Variants in CSMD2 observed in about 807,000 individuals in gnomAD.
The protein encoded by CSMD2 is CUB and sushi domain-containing protein 2.
Under a neutral mutation model 398.5 loss-of-function variants are expected in CSMD2, and 130 were observed. The ratio of observed to expected loss-of-function variants is 0.33; its 90% CI spans 0.28 to 0.38. CSMD2 has a LOEUF of 0.38. CSMD2 is among the 10% of genes least tolerant of loss of function. The probability of loss-of-function intolerance (pLI) is 1.00; values close to 1 mark genes in which losing one functional copy is unlikely to be tolerated. For missense variants in CSMD2, 3,829 were observed against 4,764.9 expected (o/e 0.80, Z 5.78); for synonymous variants, 1,828 against 1,908.5 (o/e 0.96, Z 1.10).
At chr1:33,793,895 T>G (rs1176928799) in intron 10 of CSMD2, among the ~76,000 whole-genome samples, 1 of 152,110 alleles carries the variant, frequency 6.6e-6, no homozygotes, top group Non-Finnish European at 1.5e-5. Context: ...GTGCCATTCA[T>G]AAGGACAGGA....
intron 62 of CSMD2, 93 bp downstream of exon 62, chr1:33,536,929 G>T: frequency 2.5e-6 from 3 of 1,213,736 alleles, no homozygotes; most frequent in Non-Finnish European, 3.7e-6. Context: ...CTCCCTGAGT[G>T]CTGTCCTGAG....
intron 3 of CSMD2, among the ~76,000 whole-genome samples, chr1:33,956,603 G>A (rs116486703): frequency 0.011 from 1,731 of 152,098 alleles, 32 homozygotes; most frequent in African/African-American, 0.038. Context: ...AAAATCTTAG[G>A]AATATTCCAG....
intron 56 of CSMD2, among the ~76,000 whole-genome samples, chr1:33,549,897 T>C (rs1422272912): frequency 6.6e-6 from 1 of 152,212 alleles, no homozygotes; most frequent in Non-Finnish European, 1.5e-5. Context: ...GACAGGACTC[T>C]GGCCATAGGT....
chr1:34,032,263 G>A lies in CSMD2; in HGVS notation c.517+331C>T, dbSNP rs1650549263. ...TGTCTTTTATTTTCAAAAACAACCT[G>A]AGGTACCTTATACAATGAAGCCCAA... On this transcript the variant is annotated intron_variant, in intron 3 of 70. Coordinates refer to ENST00000373381, the MANE Select transcript of CSMD2 (RefSeq NM_001281956.2). Among the ~76,000 whole-genome samples, 3 of 151,990 alleles carry A rather than the reference G, an allele frequency of 2.0e-5. No homozygotes were observed. In the South Asian group the frequency reaches 6.2e-4, roughly 32 times the overall value.
intron 3 of CSMD2, among the ~76,000 whole-genome samples, chr1:33,983,420 A>T (rs1344269608): frequency 6.6e-6 from 1 of 152,164 alleles, no homozygotes; most frequent in African/African-American, 2.4e-5. Flanking sequence ...AGAAGGGAGG[A>T]AAGAACTGAC....
chr1:33,643,845 G>C (rs1436664984), intron 29 of CSMD2, among the ~76,000 whole-genome samples: 1 of 151,902 alleles, frequency 6.6e-6, no homozygotes, highest in Non-Finnish European at 1.5e-5. Flanking sequence ...GGCCCAGGGA[G>C]ATAGTAGAGG....
At position 33,537,643 on chromosome 1, in the gene CSMD2, T is replaced by A; in HGVS notation, c.9632-34A>T. On this transcript the variant is annotated intron_variant, in intron 60 of 70. Transcript: ENST00000373381. The surrounding 1 kb of genome is among the most constrained non-coding windows in gnomAD (Gnocchi z 4.6). ...ACGAAGGGAGAAAGGCAGGTCTAAGTTGCTTTCCAGAACCCAATCTTCCAG... is the reference window on the plus strand; with the variant it reads ...ACGAAGGGAGAAAGGCAGGTCTAAGATGCTTTCCAGAACCCAATCTTCCAG... 1 of 1,581,930 alleles carries A rather than the reference T, an allele frequency of 6.3e-7. No homozygotes were observed. Among genetic ancestry groups the A allele is most frequent in the South Asian group, 1.2e-5 (1 of 85,772 alleles).
intron 2 of CSMD2, among the ~76,000 whole-genome samples, chr1:34,062,858 G>A (rs535496339): frequency 1.3e-4 from 20 of 152,242 alleles, no homozygotes; most frequent in Non-Finnish European, 1.9e-4. Context: ...GTATTAGTCC[G>A]TTTTCACACT....
chr1:34,030,370 G>T (rs1469198826), intron 3 of CSMD2, among the ~76,000 whole-genome samples: 2 of 152,164 alleles, frequency 1.3e-5, no homozygotes, highest in Non-Finnish European at 2.9e-5. Context: ...CTCTGCAGTT[G>T]TAGTGCATGA....
chr1:34,074,510 G>C (rs1009947360), intron 2 of CSMD2, among the ~76,000 whole-genome samples: 4 of 151,984 alleles, frequency 2.6e-5, no homozygotes, highest in Non-Finnish European at 5.9e-5. Flanking sequence ...CTATTTCTTG[G>C]CTCGAAACAC....
At chr1:33,877,444 C>T (rs1046275566) in intron 5 of CSMD2, among the ~76,000 whole-genome samples, 3 of 152,310 alleles carry the variant, frequency 2.0e-5, no homozygotes, top group South Asian at 2.1e-4. Flanking sequence ...TGGCTTGATG[C>T]AATCCCAGAT....
chr1:33,976,269 C>A (rs1354949906), intron 3 of CSMD2, among the ~76,000 whole-genome samples: 1 of 152,172 alleles, frequency 6.6e-6, no homozygotes, highest in Non-Finnish European at 1.5e-5. Context: ...TCAGGGGCAG[C>A]AGATGATTGA....
chr1:34,140,909 C>G lies in CSMD2; in HGVS notation c.187+24002G>C, dbSNP rs558868534. On this transcript the variant is annotated intron_variant, in intron 1 of 70. Coordinates refer to ENST00000373381, the MANE Select transcript of CSMD2 (RefSeq NM_001281956.2). ...CTCATAATCACTTCCCACTGAACAG[C>G]CTTTCCCCTCCTCTACAACCTGTCC... 3.3e-5 allele frequency among the ~76,000 whole-genome samples: 5 copies of G among 152,234 alleles called. No individual in the cohort carries two copies. The South Asian group carries it at 1.0e-3, about 32-fold the overall frequency.
At chr1:34,060,841 C>G (rs931179938) in intron 2 of CSMD2, among the ~76,000 whole-genome samples, 4 of 152,106 alleles carry the variant, frequency 2.6e-5, no homozygotes, top group African/African-American at 9.7e-5. Context: ...ACTGTCCAGT[C>G]CCCTCTCAGC....
intron 2 of CSMD2, among the ~76,000 whole-genome samples, chr1:34,088,139 G>A (rs1658127178): frequency 6.6e-6 from 1 of 152,246 alleles, no homozygotes; most frequent in African/African-American, 2.4e-5. Flanking sequence ...TTGAGGTTAA[G>A]CATTTGGCTG....
intron 32 of CSMD2, among the ~76,000 whole-genome samples, chr1:33,632,036 CCCTT>C (rs1642494614): frequency 6.6e-6 from 1 of 151,880 alleles, no homozygotes; most frequent in South Asian, 2.1e-4. Flanking sequence ...TAAGAACAGA[CCCTT>C]CATAAAAATT....
intron 3 of CSMD2, among the ~76,000 whole-genome samples, chr1:33,956,073 A>G (rs369312748): frequency 6.6e-6 from 1 of 152,170 alleles, no homozygotes; most frequent in Non-Finnish European, 1.5e-5. Flanking sequence ...TTTACCAACT[A>G]TGAGATCCTG....
intron 3 of CSMD2, among the ~76,000 whole-genome samples, chr1:34,019,925 T>C (rs1301805032): frequency 6.6e-6 from 1 of 152,168 alleles, no homozygotes; most frequent in African/African-American, 2.4e-5. Context: ...ACCAAATATT[T>C]ACTGAGTACC....
intron 1 of CSMD2, among the ~76,000 whole-genome samples, chr1:34,120,160 A>C (rs1158607962): frequency 6.6e-6 from 1 of 152,260 alleles, no homozygotes; most frequent in African/African-American, 2.4e-5. Context: ...ATGAAGTGCA[A>C]TAAACCAACA....
Sources: gnomAD v4.1 joint callset for allele counts (sites outside exome capture counted in the v4.1 genomes callset) on GRCh38, gnomAD v4.1.1 for gene constraint, Gnocchi (gnomAD v3.1) non-coding constraint, MANE v1.5 for transcripts, NCBI Gene and HGNC (gene_info 2026-07-23, HGNC 2026-07-21) for gene names.